Variants in EDC3 observed in about 807,000 individuals in gnomAD.
EDC3 encodes enhancer of mRNA decapping 3.
A neutral mutation model predicts 41.8 loss-of-function variants in EDC3; 20 were observed. The observed-to-expected ratio is 0.48, with a 90% confidence interval of 0.34 to 0.70. The LOEUF (loss-of-function observed/expected upper bound fraction) is 0.70. Ranked by LOEUF, EDC3 falls within the 30% of genes least tolerant of loss-of-function variation. The pLI is 0.01. For synonymous variants in EDC3, 206 were observed against 243.2 expected (o/e 0.85, Z 1.42); for missense variants, 444 against 636.8 (o/e 0.70, Z 3.26).
chr15:74,655,743 C>G lies in EDC3; in HGVS notation c.810G>C (p.Glu270Asp), dbSNP rs2062538936. The G allele has an allele frequency of 6.2e-7, 1 of 1,608,822 alleles. No individual in the cohort carries two copies. Among genetic ancestry groups the G allele is most frequent in the Admixed American group, 1.7e-5 (1 of 59,892 alleles). Residue 270 changes from glutamate to aspartate, a missense_variant, in exon 4 of 7, where the codon GAG becomes GAC. Coordinates refer to ENST00000315127, the MANE Select transcript of EDC3 (RefSeq NM_025083.5). Reference sequence around the variant, plus strand: ...CCTGATGCAACTCACCCGTGCAGAACTCCTTGCTCACGTTGTGGGGCACTA... The same window carrying G: ...CCTGATGCAACTCACCCGTGCAGAAGTCCTTGCTCACGTTGTGGGGCACTA... ...RIIVPHNVSK[E>D]FCTDSGLVVP...
chr15:74,658,624 GAAAAAAAAAAAAAAA>G (rs60193835), intron 3 of EDC3, among the ~76,000 whole-genome samples: 5 of 39,040 alleles, frequency 1.3e-4, no homozygotes, highest in East Asian at 6.8e-4. Flanking sequence ...TTACGTCTCT[GAAAAAAAAAAAAAAA>G]AAAAAAAAAA....
At chr15:74,662,021 A>G (rs2062626918) in intron 3 of EDC3, among the ~76,000 whole-genome samples, 1 of 152,214 alleles carries the variant, frequency 6.6e-6, no homozygotes, top group East Asian at 1.9e-4. Context: ...TCATGAAAAA[A>G]TTCTTCAAAT....
chr15:74,679,972 A>C (rs534002088), intron 1 of EDC3: 6 of 151,270 alleles, frequency 4.0e-5, no homozygotes, highest in African/African-American at 1.5e-4. Context: ...AGAATTATAC[A>C]CCACACCCAG....
At chr15:74,655,392 G>A (rs144210888) in intron 4 of EDC3, among the ~76,000 whole-genome samples, 1 of 152,308 alleles carries the variant, frequency 6.6e-6, no homozygotes, top group African/African-American at 2.4e-5. Context: ...TGAAATGTAT[G>A]GGCAGTAATA....
chr15:74,680,260 C>CAAA, intron 1 of EDC3, among the ~76,000 whole-genome samples: 1 of 64,270 alleles, frequency 1.6e-5, no homozygotes, highest in South Asian at 7.3e-4. Context: ...GACTCCATCT[C>CAAA]AAAAAAAAAA....
intron 3 of EDC3, among the ~76,000 whole-genome samples, chr15:74,661,511 C>T (rs1247132605): frequency 1.3e-5 from 2 of 151,956 alleles, no homozygotes; most frequent in Non-Finnish European, 2.9e-5. Context: ...GGGGTGGTGA[C>T]TCACACCTGT....
chr15:74,684,939 A>T (rs946123101), intron 1 of EDC3, among the ~76,000 whole-genome samples: 3 of 152,158 alleles, frequency 2.0e-5, no homozygotes, highest in Non-Finnish European at 2.9e-5. Context: ...ATGAATGGTT[A>T]GTTCCATCCT....
chr15:74,644,657 T>TAC (rs1312932244), intron 4 of EDC3: 1 of 150,346 alleles, frequency 6.7e-6, no homozygotes, highest in Non-Finnish European at 1.5e-5. Context: ...AGTGTACATA[T>TAC]ATATATATAT....
intron 2 of EDC3, among the ~76,000 whole-genome samples, chr15:74,672,847 A>G (rs1334688670): frequency 6.6e-6 from 1 of 152,078 alleles, no homozygotes; most frequent in African/African-American, 2.4e-5. Context: ...TAAGTGTTAA[A>G]TGTTATGACA....
chr15:74,635,966 T>G, intron 5 of EDC3: 1 of 295,482 alleles, frequency 3.4e-6, no homozygotes, highest in Non-Finnish European at 6.5e-6. Context: ...CCCCAACGTG[T>G]CTGCTTCACT....
chr15:74,661,610 A>T (rs1233761335), intron 3 of EDC3, among the ~76,000 whole-genome samples: 3 of 152,008 alleles, frequency 2.0e-5, no homozygotes, highest in Admixed American at 2.0e-4. Flanking sequence ...ATACACCTGT[A>T]ATCCCAGCTA....
At chr15:74,679,209 A>T (rs1305196043) in intron 1 of EDC3, among the ~76,000 whole-genome samples, 1 of 151,850 alleles carries the variant, frequency 6.6e-6, no homozygotes, top group Non-Finnish European at 1.5e-5. Flanking sequence ...AATAAAAATT[A>T]AAAAAAAGAA....
At chr15:74,635,665 T>C (rs2062263926) in intron 5 of EDC3, 39 bp from the exon 6 acceptor site, 3 of 1,581,126 alleles carry the variant, frequency 1.9e-6, no homozygotes, top group South Asian at 1.1e-5. Context: ...AGCTACATAC[T>C]TGCCAATCCC....
chr15:74,652,297 C>T (rs972006652), intron 4 of EDC3, among the ~76,000 whole-genome samples: 6 of 150,678 alleles, frequency 4.0e-5, no homozygotes, highest in Non-Finnish European at 7.4e-5. Context: ...CTGCGATCTC[C>T]GCTCACTGCA....
chr15:74,675,750 G>A (rs956325879), intron 1 of EDC3, among the ~76,000 whole-genome samples: 13 of 151,672 alleles, frequency 8.6e-5, no homozygotes, highest in South Asian at 2.1e-4. Context: ...GCGTGGTGGC[G>A]GGTGCCTGTA....
At chr15:74,665,001 A>G (rs538192008) in intron 3 of EDC3, among the ~76,000 whole-genome samples, 26 of 152,350 alleles carry the variant, frequency 1.7e-4, no homozygotes, top group African/African-American at 6.0e-4. Context: ...CTCTCTAAAT[A>G]TAAATGAGTT....
At chr15:74,691,375 G>A (rs967610044) in intron 1 of EDC3, among the ~76,000 whole-genome samples, 3 of 152,118 alleles carry the variant, frequency 2.0e-5, no homozygotes, top group African/African-American at 7.2e-5. Context: ...GATTAAATGA[G>A]ATAATCCATA....
chr15:74,643,647 C>T (rs535947676), intron 4 of EDC3: 3 of 152,426 alleles, frequency 2.0e-5, no homozygotes, highest in Admixed American at 2.0e-4. Flanking sequence ...CATTTCAGGC[C>T]TTTCCCTCCC....
At chr15:74,685,689 G>A (rs2062928953) in intron 1 of EDC3, among the ~76,000 whole-genome samples, 1 of 152,068 alleles carries the variant, frequency 6.6e-6, no homozygotes, top group African/African-American at 2.4e-5. Context: ...TATAAGGTAT[G>A]AAACCTAACA....
Sources: gnomAD v4.1 joint callset for allele counts (sites outside exome capture counted in the v4.1 genomes callset) on GRCh38, gnomAD v4.1.1 for gene constraint, MANE v1.5 for transcripts, NCBI Gene and HGNC (gene_info 2026-07-23, HGNC 2026-07-21) for gene names.